The following VCF2 variants were observed in gnomAD, a reference collection of about 807,000 sequenced individuals.
VCF2 encodes protein VCF2.
chrX:55,147,012 C>T, the VCF2 span, among the ~76,000 whole-genome samples: 2 of 111,600 alleles, frequency 1.8e-5, no homozygotes, highest in African/African-American at 6.5e-5. Context: ...CTTAAGATCT[C>T]TTTTTCTTTC....
chrX:55,145,905 C>G, the VCF2 span: 1 of 1,000,619 alleles, frequency 1.0e-6, no homozygotes, highest in Admixed American at 4.5e-5. Context: ...ATAAAAATTT[C>G]ATAAACATTT....
At chrX:55,143,775 A>C in the VCF2 span, 1 of 1,158,351 alleles carries the variant, frequency 8.6e-7, no homozygotes, top group Non-Finnish European at 1.2e-6. Flanking sequence ...GGAGATAAGT[A>C]GTTTTAAACA....
chrX:55,145,839 T>C, the VCF2 span: 1 of 901,519 alleles, frequency 1.1e-6, no homozygotes, highest in Non-Finnish European at 1.4e-6. Context: ...TACCTTAACA[T>C]GAAATTGACA....
chrX:55,158,252 A>T, the VCF2 span, among the ~76,000 whole-genome samples: 1 of 111,899 alleles, frequency 8.9e-6, no homozygotes, highest in African/African-American at 3.2e-5. Flanking sequence ...ACTCAGAAAG[A>T]CTTTATGAGG....
the VCF2 span, among the ~76,000 whole-genome samples, chrX:55,152,439 T>C: frequency 1.8e-3 from 201 of 111,684 alleles, no homozygotes; most frequent in Admixed American, 3.1e-3. Context: ...CTGCTAAAAA[T>C]AAGGTTTCCT....
At chrX:55,149,197 CT>C in the VCF2 span, among the ~76,000 whole-genome samples, 1 of 103,189 alleles carries the variant, frequency 9.7e-6, no homozygotes, top group African/African-American at 3.6e-5. Flanking sequence ...TTTTTCTTGC[CT>C]TTTGGTAACT....
chrX:55,143,771 A>G, the VCF2 span: 2 of 1,149,786 alleles, frequency 1.7e-6, no homozygotes, highest in African/African-American at 3.6e-5. Flanking sequence ...TAGCGGAGAT[A>G]AGTAGTTTTA....
chrX:55,161,137 C>G, the VCF2 span: 1 of 1,208,733 alleles, frequency 8.3e-7, no homozygotes, highest in Non-Finnish European at 1.1e-6. Context: ...ACGAACTTAC[C>G]GTACAGGGCA....
At chrX:55,149,992 T>C in the VCF2 span, among the ~76,000 whole-genome samples, 23 of 112,252 alleles carry the variant, frequency 2.0e-4, no homozygotes, top group Non-Finnish European at 3.6e-4. Context: ...TTTTAACTTT[T>C]TCTAGTTGAC....
At chrX:55,148,613 C>G in the VCF2 span, among the ~76,000 whole-genome samples, 1 of 110,897 alleles carries the variant, frequency 9.0e-6, no homozygotes, top group Non-Finnish European at 1.9e-5. Flanking sequence ...TGGGATAAAA[C>G]AGGAAGTCCA....
At chrX:55,161,027 G>T in the VCF2 span, 2 of 1,172,174 alleles carry the variant, frequency 1.7e-6, no homozygotes, top group Non-Finnish European at 2.3e-6. Flanking sequence ...ATACATATCC[G>T]CTGCGTTTCC....
At chrX:55,161,084 G>A in the VCF2 span, 17 of 1,204,944 alleles carry the variant, frequency 1.4e-5, no homozygotes, top group Non-Finnish European at 1.6e-5. Flanking sequence ...CGTGATGACC[G>A]TGGGGACCAG....
the VCF2 span, among the ~76,000 whole-genome samples, chrX:55,154,811 C>G: frequency 0.011 from 1,215 of 112,232 alleles, 14 homozygotes; most frequent in African/African-American, 0.037. Context: ...TGTTCTGATG[C>G]CCAAGCAGTA....
At chrX:55,152,740 C>T in the VCF2 span, among the ~76,000 whole-genome samples, 12 of 111,874 alleles carry the variant, frequency 1.1e-4, no homozygotes, top group African/African-American at 3.6e-4. Flanking sequence ...CTTTTTAAAG[C>T]GACATACCTT....
the VCF2 span, among the ~76,000 whole-genome samples, chrX:55,157,720 C>T: frequency 8.9e-6 from 1 of 111,824 alleles, no homozygotes; most frequent in African/African-American, 3.3e-5. Context: ...GGAATTGTAG[C>T]ATTAGGGCAC....
chrX:55,145,301 T>C, the VCF2 span: 1 of 740,009 alleles, frequency 1.4e-6, no homozygotes, highest in Non-Finnish European at 1.6e-6. Flanking sequence ...GTAATAAATT[T>C]TTGTTTAAGA....
the VCF2 span, among the ~76,000 whole-genome samples, chrX:55,153,780 A>C: frequency 8.9e-6 from 1 of 112,320 alleles, no homozygotes; most frequent in Non-Finnish European, 1.9e-5. Flanking sequence ...CTGCTTATGG[A>C]TTCAGTTACT....
the VCF2 span, among the ~76,000 whole-genome samples, chrX:55,155,021 A>C: frequency 2.3e-4 from 26 of 111,944 alleles, no homozygotes; most frequent in Admixed American, 2.8e-4. Flanking sequence ...CTTAAAATGA[A>C]ATGCATCTGA....
chrX:55,148,183 T>C, the VCF2 span, among the ~76,000 whole-genome samples: 2 of 110,523 alleles, frequency 1.8e-5, no homozygotes, highest in Non-Finnish European at 3.8e-5. Flanking sequence ...TTTAAAAAAT[T>C]AATTAGGTAA....
Sources: gnomAD v4.1 joint callset for allele counts (sites outside exome capture counted in the v4.1 genomes callset) on GRCh38, gnomAD v4.1.1 for gene constraint, MANE v1.5 for transcripts, NCBI Gene and HGNC (gene_info 2026-07-23, HGNC 2026-07-21) for gene names.